The following OSCP1 variants were observed in gnomAD, a reference collection of about 807,000 sequenced individuals.
The protein encoded by OSCP1 is protein OSCP1.
In OSCP1, 35 loss-of-function variants were observed where a neutral mutation model predicts 45.1. That is an observed-to-expected ratio of 0.78 (90% confidence interval 0.59 to 1.03). OSCP1 has a LOEUF of 1.03. Among genes scored for constraint, OSCP1 ranks in the 50% least tolerant of loss-of-function variants. The pLI, the probability that OSCP1 is intolerant of heterozygous loss-of-function variation, is 0.00. For synonymous variants in OSCP1, 179 were observed against 180.1 expected (o/e 0.99, Z 0.05); for missense variants, 400 against 470.7 (o/e 0.85, Z 1.39).
rs1204796810 is a variant in OSCP1 at position 36,438,772 on chromosome 1, T to G, written c.251A>C (p.Gln84Pro). The G allele has an allele frequency of 6.2e-7, 1 of 1,611,850 alleles. No homozygotes were observed. Among genetic ancestry groups the G allele is most frequent in the Non-Finnish European group, 8.5e-7 (1 of 1,179,074 alleles). Residue 84 changes from glutamine to proline, a missense_variant, in exon 2 of 10, where the codon CAG (glutamine) becomes CCG (proline). Coordinates refer to ENST00000235532, the MANE Select transcript of OSCP1 (RefSeq NM_145047.5). Reference sequence around the variant, plus strand: ...TCTGCTCACCTTATCCATGCTGGCCTGGTTCAGTTTCATAATGGAGGCATG... The same window carrying G: ...TCTGCTCACCTTATCCATGCTGGCCGGGTTCAGTTTCATAATGGAGGCATG... ...LAHASIMKLN[Q>P]ASMDKLYDLM... is the part of the protein sequence containing the mutation.
chr1:36,428,985 G>C (rs550193003), intron 4 of OSCP1, among the ~76,000 whole-genome samples: 1 of 152,248 alleles, frequency 6.6e-6, no homozygotes, highest in South Asian at 2.1e-4. Context: ...ATGTTGCCCA[G>C]GATGGTCTTG....
chr1:36,421,759 AC>A (rs775073566), intron 7 of OSCP1, among the ~76,000 whole-genome samples: 1 of 152,116 alleles, frequency 6.6e-6, no homozygotes, highest in East Asian at 1.9e-4. Context: ...AGAAACTAAA[AC>A]CCCCCACTCT....
intron 8 of OSCP1, among the ~76,000 whole-genome samples, chr1:36,419,459 T>C (rs1357915708): frequency 1.3e-5 from 2 of 152,214 alleles, no homozygotes; most frequent in South Asian, 4.1e-4. Context: ...AGGCTCTAGG[T>C]CTTACATCTT....
Position 36,450,444 on chromosome 1 carries a change from G to T in OSCP1, c.-75C>A. On this transcript the variant is annotated 5_prime_UTR_variant, in exon 1 of 10. Coordinates refer to ENST00000235532, the MANE Select transcript of OSCP1 (RefSeq NM_145047.5). ...AGTGGCCTGAAGGCCAGGCCGCAGCGTCCCAATAGTCCGGTTGCTGGGGCA... is the reference window on the plus strand; with the variant it reads ...AGTGGCCTGAAGGCCAGGCCGCAGCTTCCCAATAGTCCGGTTGCTGGGGCA... The T allele has an allele frequency of 3.3e-6, 4 of 1,210,548 alleles. No individual in the cohort carries two copies. Among genetic ancestry groups the T allele is most frequent in the Non-Finnish European group, 4.8e-6 (4 of 827,658 alleles). 75.0% of individuals were successfully genotyped at this position (1,210,548 alleles called of 1,614,324 possible). A position where few individuals can be genotyped will look rare whatever the true frequency, so the allele number is the denominator to read the frequency against.
At chr1:36,420,997 A>G (rs1647587141) in intron 7 of OSCP1, among the ~76,000 whole-genome samples, 1 of 152,034 alleles carries the variant, frequency 6.6e-6, no homozygotes, top group African/African-American at 2.4e-5. Context: ...CACTGCCCTC[A>G]GGTGGTGACG....
intron 1 of OSCP1, 125 bp from the exon 2 acceptor site, chr1:36,439,035 T>C (rs1444370323): frequency 1.2e-5 from 13 of 1,054,272 alleles, no homozygotes; most frequent in Non-Finnish European, 1.6e-5. Context: ...GTATGCTTGG[T>C]GAGATCAGCT....
At position 36,438,865 on chromosome 1, in the gene OSCP1, T is replaced by A; in HGVS notation, c.158A>T (p.Glu53Val). Residue 53 changes from glutamate (E) to valine (V), a missense_variant, in exon 2 of 10, where the codon GAG (glutamate) becomes GTG (valine). Transcript: ENST00000235532. ...ISTMFNRKFM[E>V]ELFKPQELYS... ...GAGCTCTTGAGGCTTGAATAATTCC[T>A]CCATAAACTTTCTATTGAACATGGT... 4.3e-6 allele frequency: 7 copies of A among 1,614,202 alleles called. No homozygotes were observed. Among genetic ancestry groups the A allele is most frequent in the Non-Finnish European group, 5.9e-6 (7 of 1,180,020 alleles).
At chr1:36,445,876 G>T (rs1649492860) in intron 1 of OSCP1, among the ~76,000 whole-genome samples, 1 of 151,864 alleles carries the variant, frequency 6.6e-6, no homozygotes, top group Non-Finnish European at 1.5e-5. Context: ...CATCATGCCG[G>T]CTAATTTTTT....
chr1:36,423,325 C>T, intron 5 of OSCP1, 38 bp downstream of exon 5: 2 of 1,504,446 alleles, frequency 1.3e-6, no homozygotes, highest in Non-Finnish European at 1.9e-6. Context: ...GATTTCCTAG[C>T]ACCCCAAACA....
intron 1 of OSCP1, among the ~76,000 whole-genome samples, chr1:36,443,056 C>T (rs894755701): frequency 2.0e-5 from 3 of 152,124 alleles, no homozygotes. Context: ...CTCTGCCTCC[C>T]AGGTTCAAGT....
chr1:36,438,719 A>C (rs774658925), intron 2 of OSCP1, 37 bp downstream of exon 2: 3 of 1,571,168 alleles, frequency 1.9e-6, no homozygotes, highest in Admixed American at 1.9e-5. Context: ...AGGTACAAAA[A>C]ATGCAACCAA....
intron 1 of OSCP1, among the ~76,000 whole-genome samples, chr1:36,446,647 A>G (rs1649557723): frequency 6.6e-6 from 1 of 152,120 alleles, no homozygotes; most frequent in Non-Finnish European, 1.5e-5. Flanking sequence ...TTCTGTTTTG[A>G]GTGGGGGCAG....
intron 1 of OSCP1, chr1:36,441,001 A>G (rs761503228): frequency 5.3e-5 from 8 of 152,258 alleles, no homozygotes; most frequent in Non-Finnish European, 8.8e-5. Flanking sequence ...GTTCTGGACG[A>G]AAGAATACCC....
intron 2 of OSCP1, among the ~76,000 whole-genome samples, chr1:36,436,456 G>A (rs184205457): frequency 1.6e-4 from 24 of 152,078 alleles, no homozygotes; most frequent in African/African-American, 5.5e-4. Flanking sequence ...GCCAAGGCTG[G>A]TCTTGAACTC....
At chr1:36,445,842 G>A (rs1179960156) in intron 1 of OSCP1, among the ~76,000 whole-genome samples, 1 of 151,948 alleles carries the variant, frequency 6.6e-6, no homozygotes, top group Non-Finnish European at 1.5e-5. Flanking sequence ...AGCCTCCCGA[G>A]TAGCTGGGAT....
At position 36,450,339 on chromosome 1, in the gene OSCP1, A is replaced by C; in HGVS notation, c.31T>G (p.Leu11Val). 1 of 1,613,966 alleles carries C rather than the reference A, an allele frequency of 6.2e-7. No homozygotes were observed. Among genetic ancestry groups the C allele is most frequent in the Non-Finnish European group, 8.5e-7 (1 of 1,179,946 alleles). MSVRTLPLLFLNLGGEMLYIL... is the reference protein window; with the variant it reads MSVRTLPLLFVNLGGEMLYIL... ...TAAAGCATCTCCCCGCCCAAGTTCA[A>C]GAAGAGCAGCGGTAGCGTCCGCACC... is the stretch of plus-strand genomic sequence containing the variant. The change falls in exon 1 of 10, where the codon TTG becomes GTG. Residue 11 changes from leucine to valine, a missense_variant. By Grantham distance (32) the Leu-to-Val change is conservative. Coordinates refer to ENST00000235532, the MANE Select transcript of OSCP1 (RefSeq NM_145047.5).
intron 2 of OSCP1, among the ~76,000 whole-genome samples, chr1:36,434,378 G>A (rs1010840022): frequency 6.6e-6 from 1 of 152,156 alleles, no homozygotes; most frequent in South Asian, 2.1e-4. Flanking sequence ...AGATTCTAAG[G>A]CACTTGCCAG....
chr1:36,450,244 C>T lies in OSCP1; in HGVS notation c.112+14G>A. On this transcript the variant is annotated intron_variant, in intron 1 of 9. Coordinates refer to ENST00000235532, the MANE Select transcript of OSCP1 (RefSeq NM_145047.5). ...TGGCTGCGGGTCTGGCTGAGCGGGC[C>T]GGGGGCCTCTCACCTTTGCGGGCCT... 6.2e-7 allele frequency: 1 copy of T among 1,607,444 alleles called. No homozygotes were observed. Among genetic ancestry groups the T allele is most frequent in the Non-Finnish European group, 8.5e-7 (1 of 1,175,060 alleles).
At chr1:36,418,667 A>C (rs1647420913) in intron 9 of OSCP1, 3 of 344,230 alleles carry the variant, frequency 8.7e-6, no homozygotes, top group Non-Finnish European at 1.6e-5. Flanking sequence ...TTGTAATCCC[A>C]GCACTTTGGG....
Sources: gnomAD v4.1 joint callset for allele counts (sites outside exome capture counted in the v4.1 genomes callset) on GRCh38, gnomAD v4.1.1 for gene constraint, MANE v1.5 for transcripts, NCBI Gene and HGNC (gene_info 2026-07-23, HGNC 2026-07-21) for gene names.